FARS2: variants seen among roughly 807,000 people sequenced by gnomAD.
The protein encoded by FARS2 is phenylalanyl-tRNA synthetase 2, mitochondrial, also known as phenylalanine--tRNA ligase, mitochondrial.
In FARS2, 40 loss-of-function variants were observed where a neutral mutation model predicts 46.4. The observed-to-expected ratio is 0.86, with a 90% CI of 0.67 to 1.12. The LOEUF is 1.12. Ranked by LOEUF, FARS2 falls within the 50% of genes most tolerant of loss-of-function variation. FARS2 has a pLI of 0.00. For missense variants in FARS2, 513 were observed against 567.9 expected (o/e 0.90, Z 0.98); for synonymous variants, 234 against 214.9 (o/e 1.09, Z -0.78).
intron 4 of FARS2, among the ~76,000 whole-genome samples, chr6:5,496,977 C>T (rs999450770): frequency 1.3e-5 from 2 of 152,120 alleles, no homozygotes; most frequent in African/African-American, 2.4e-5. Flanking sequence ...CACCTCTGCA[C>T]CCAGCTGTGA....
At chr6:5,368,434 C>T (rs1029325623) in intron 1 of FARS2, 116 bp from the exon 2 acceptor site, 8 of 827,556 alleles carry the variant, frequency 9.7e-6, no homozygotes, top group South Asian at 1.7e-5. Context: ...GTGTGGAGGT[C>T]GTAGTGGGGG....
chr6:5,596,370 G>T (rs1335675930), intron 5 of FARS2, among the ~76,000 whole-genome samples: 1 of 152,218 alleles, frequency 6.6e-6, no homozygotes, highest in Non-Finnish European at 1.5e-5. Context: ...AACACCATCT[G>T]CCTTGCTCCA....
At chr6:5,621,914 G>A (rs1326586434) in intron 6 of FARS2, among the ~76,000 whole-genome samples, 3 of 152,182 alleles carry the variant, frequency 2.0e-5, no homozygotes, top group African/African-American at 7.2e-5. Context: ...TGGCCAGTCT[G>A]TATCCTCTAC....
chr6:5,383,903 G>T (rs1225680116), intron 2 of FARS2, among the ~76,000 whole-genome samples: 1 of 152,068 alleles, frequency 6.6e-6, no homozygotes, highest in Non-Finnish European at 1.5e-5. Context: ...TTGCCCACTG[G>T]CATCATGAAT....
chr6:5,688,515 G>C (rs9721223), intron 6 of FARS2, among the ~76,000 whole-genome samples: 1 of 152,158 alleles, frequency 6.6e-6, no homozygotes, highest in Non-Finnish European at 1.5e-5. Flanking sequence ...ATCGATTTGC[G>C]TATGTTGAAG....
At chr6:5,539,407 T>TATATATATATATATATATATATA (rs771563949) in intron 4 of FARS2, among the ~76,000 whole-genome samples, 6 of 143,512 alleles carry the variant, frequency 4.2e-5, no homozygotes, top group South Asian at 2.2e-4. Flanking sequence ...TATGTATATA[T>TATATATATATATATATATATATA]TTTTTTAGTA....
chr6:5,726,522 G>T, intron 6 of FARS2, among the ~76,000 whole-genome samples: 1 of 152,216 alleles, frequency 6.6e-6, no homozygotes, highest in Admixed American at 6.5e-5. Flanking sequence ...ATAAACAGTG[G>T]CACTCGTGTT....
chr6:5,422,166 T>C (rs4960089), intron 3 of FARS2, among the ~76,000 whole-genome samples: 104,238 of 152,040 alleles, frequency 0.69, 36,098 homozygotes, highest in East Asian at 0.93. Flanking sequence ...GGGAAACTCC[T>C]GTTTTTAAAC....
chr6:5,274,724 T>A (rs1766208712), intron 1 of FARS2, among the ~76,000 whole-genome samples: 1 of 152,174 alleles, frequency 6.6e-6, no homozygotes, highest in African/African-American at 2.4e-5. Context: ...ATGTCTTTTT[T>A]TTTTGAGACA....
intron 4 of FARS2, among the ~76,000 whole-genome samples, chr6:5,537,606 T>C (rs1266633780): frequency 4.0e-5 from 6 of 150,832 alleles, no homozygotes; most frequent in Non-Finnish European, 5.9e-5. Flanking sequence ...TCCTCTCGAG[T>C]TGGAGATGTC....
At chr6:5,626,791 G>A (rs903779201) in intron 6 of FARS2, among the ~76,000 whole-genome samples, 11 of 152,170 alleles carry the variant, frequency 7.2e-5, no homozygotes, top group Non-Finnish European at 7.4e-5. Flanking sequence ...ACTTAACGAC[G>A]GGGATACATT....
At chr6:5,394,707 C>T (rs1255878617) in intron 2 of FARS2, among the ~76,000 whole-genome samples, 1 of 151,634 alleles carries the variant, frequency 6.6e-6, no homozygotes, top group Non-Finnish European at 1.5e-5. Flanking sequence ...GGAGTAGGGG[C>T]TGTTTGTTTT....
intron 1 of FARS2, among the ~76,000 whole-genome samples, chr6:5,262,663 A>C (rs1300616867): frequency 2.0e-5 from 3 of 152,244 alleles, no homozygotes; most frequent in African/African-American, 7.2e-5. Flanking sequence ...GTGTCCTTGC[A>C]TCCAGATATT....
chr6:5,341,223 ATATATATATATATT>A (rs1771594974), intron 1 of FARS2, among the ~76,000 whole-genome samples: 3 of 5,300 alleles, frequency 5.7e-4, no homozygotes, highest in African/African-American at 2.0e-3. Flanking sequence ...ATATATATAT[ATATATATATATATT>A]TTTTTTTTTT....
At chr6:5,315,749 T>TCTTTCTTTCTTCCTTC (rs1554162062) in intron 1 of FARS2, among the ~76,000 whole-genome samples, 6 of 149,538 alleles carry the variant, frequency 4.0e-5, no homozygotes, top group African/African-American at 1.5e-4. Context: ...TTCCTTTCTT[T>TCTTTCTTTCTTCCTTC]CTTTCTTTCT....
intron 2 of FARS2, among the ~76,000 whole-genome samples, chr6:5,392,843 GTATA>G (rs1760632058): frequency 9.6e-6 from 1 of 104,214 alleles, no homozygotes; most frequent in South Asian, 2.9e-4. Context: ...ATATATGTGT[GTATA>G]TATTATATGT....
intron 1 of FARS2, among the ~76,000 whole-genome samples, chr6:5,368,102 T>C (rs1377490953): frequency 6.6e-6 from 1 of 152,216 alleles, no homozygotes; most frequent in East Asian, 1.9e-4. Flanking sequence ...TCCACTCTCC[T>C]TCGGAAGCCT....
chr6:5,762,694 CCTCT>C (rs149909033), intron 6 of FARS2, among the ~76,000 whole-genome samples: 1 of 151,902 alleles, frequency 6.6e-6, no homozygotes, highest in Non-Finnish European at 1.5e-5. Flanking sequence ...CGGGGGAGGC[CCTCT>C]CTCTCTCTGC....
At chr6:5,282,961 G>T (rs1020069553) in intron 1 of FARS2, among the ~76,000 whole-genome samples, 3 of 152,180 alleles carry the variant, frequency 2.0e-5, no homozygotes, top group African/African-American at 4.8e-5. Context: ...CAAGGGCCAG[G>T]CACGGTGGCT....
Sources: allele counts gnomAD v4.1 joint callset (sites outside exome capture counted in the v4.1 genomes callset), GRCh38; gene constraint gnomAD v4.1.1; transcripts MANE v1.5; gene names NCBI Gene and HGNC (gene_info 2026-07-23, HGNC 2026-07-21).